DAB1: variants seen among roughly 807,000 people sequenced by gnomAD.
DAB1 encodes the protein DAB adaptor protein 1.
Under a neutral mutation model 64.6 loss-of-function variants are expected in DAB1, and 15 were observed. The observed-to-expected ratio is 0.23, with a 90% CI of 0.16 to 0.36. The LOEUF (loss-of-function observed/expected upper bound fraction) is 0.36. Among genes scored for constraint, DAB1 ranks in the 10% least tolerant of loss-of-function variants. The pLI is 1.00. For missense variants in DAB1, 596 were observed against 706.7 expected (o/e 0.84, Z 1.78); for synonymous variants, 235 against 251.9 (o/e 0.93, Z 0.64).
chr1:58,117,408 C>T (rs990192633), intron 5 of DAB1, among the ~76,000 whole-genome samples: 1 of 152,298 alleles, frequency 6.6e-6, no homozygotes, highest in Admixed American at 6.5e-5. Context: ...TATGGTTGCC[C>T]ATATTAGGTT....
chr1:58,013,616 C>T (rs1646699938), intron 5 of DAB1, among the ~76,000 whole-genome samples: 1 of 152,344 alleles, frequency 6.6e-6, no homozygotes, highest in Admixed American at 6.5e-5. Context: ...AAAACTCCTT[C>T]CTGCAACATC....
intron 2 of DAB1, among the ~76,000 whole-genome samples, chr1:57,258,452 C>G (rs1669931353): frequency 1.3e-5 from 2 of 152,118 alleles, no homozygotes; most frequent in Admixed American, 1.3e-4. Flanking sequence ...TGTCCTCTCC[C>G]CTGCATTCCC....
chr1:58,457,863 G>T (rs906318131), intron 3 of DAB1, among the ~76,000 whole-genome samples: 1 of 152,184 alleles, frequency 6.6e-6, no homozygotes, highest in Non-Finnish European at 1.5e-5. Context: ...TGTTGACGGG[G>T]AAAGGTGGGG....
In DAB1 at chr1:57,014,875, G is replaced by C. The variant is rs183171115; in HGVS notation, c.1444+8C>G. 4 of 1,541,990 alleles carry C rather than the reference G, an allele frequency of 2.6e-6. No individual in the cohort carries two copies. In the African/African-American group the frequency reaches 5.5e-5, roughly 21 times the overall value. Reference sequence around the variant, plus strand: ...TTGGGTTTTATGTCTTAAGTGAGGGGCACTCACGTGAGTTGGTCGATGGTG... The same window carrying C: ...TTGGGTTTTATGTCTTAAGTGAGGGCCACTCACGTGAGTTGGTCGATGGTG... On this transcript the variant is annotated splice_region_variant and intron_variant, in intron 12 of 14. Transcript: ENST00000371236.
chr1:57,534,237 C>T (rs1038314075), intron 7 of DAB1, among the ~76,000 whole-genome samples: 16 of 152,114 alleles, frequency 1.1e-4, no homozygotes, highest in African/African-American at 3.9e-4. Flanking sequence ...TTACTTGCTG[C>T]CCTTTGCAAT....
In DAB1 at chr1:57,533,549, A is replaced by ATATATT. The variant is rs1255693794; in HGVS notation, n.625+116042_625+116043insAATATA. Among the ~76,000 whole-genome samples the ATATATT allele has an allele frequency of 2.2e-3, 28 of 12,636 alleles. No individual in the cohort carries two copies. In the East Asian group the frequency reaches 0.091, roughly 41 times the overall value. The allele number at this position is 12,636 out of a possible 152,430, so 8.3% of individuals were successfully genotyped here. On this transcript the variant is annotated intron_variant and non_coding_transcript_variant, in intron 7 of 20. Coordinates refer to the DAB1 transcript ENST00000485760. ...GAAAATTCATAACAGGTATATATAT[A>ATATATT]TATATATATATATATATGTATATAT...
intron 2 of DAB1, among the ~76,000 whole-genome samples, chr1:57,213,576 A>T (rs543457555): frequency 6.6e-6 from 1 of 152,318 alleles, no homozygotes; most frequent in South Asian, 2.1e-4. Flanking sequence ...GCCCCAGAGG[A>T]AGTTTGCCAT....
intron 14 of DAB1, among the ~76,000 whole-genome samples, chr1:57,005,566 T>C (rs1193090706): frequency 6.6e-6 from 1 of 152,170 alleles, no homozygotes; most frequent in Admixed American, 6.5e-5. Context: ...AGTTAGATGG[T>C]CTTAAAATGT....
intron 1 of DAB1, among the ~76,000 whole-genome samples, chr1:57,387,908 G>A (rs962802498): frequency 5.3e-5 from 8 of 151,096 alleles, no homozygotes; most frequent in African/African-American, 2.0e-4. Flanking sequence ...AGTCAAGAAA[G>A]ATGAAATTAA....
At chr1:57,278,463 T>C (rs1250324309) in intron 2 of DAB1, among the ~76,000 whole-genome samples, 1 of 151,824 alleles carries the variant, frequency 6.6e-6, no homozygotes, top group Non-Finnish European at 1.5e-5. Context: ...ACACACAATA[T>C]AGAAGGGAAG....
At chr1:58,245,686 C>G (rs1309993887) in intron 4 of DAB1, among the ~76,000 whole-genome samples, 1 of 152,046 alleles carries the variant, frequency 6.6e-6, no homozygotes, top group Non-Finnish European at 1.5e-5. Context: ...GCCTAGCTTT[C>G]TTTATCTGTA....
At chr1:57,326,662 C>A (rs919423491) in intron 1 of DAB1, among the ~76,000 whole-genome samples, 1 of 152,162 alleles carries the variant, frequency 6.6e-6, no homozygotes, top group Admixed American at 6.5e-5. Flanking sequence ...AGATTTAGTT[C>A]CTGATGAGGG....
intron 5 of DAB1, among the ~76,000 whole-genome samples, chr1:57,976,190 G>T (rs1282033844): frequency 6.6e-6 from 1 of 152,112 alleles, no homozygotes; most frequent in African/African-American, 2.4e-5. Flanking sequence ...TCCCTGGATT[G>T]CACTCTGAAA....
chr1:58,170,691 T>C (rs1374261343), intron 4 of DAB1, among the ~76,000 whole-genome samples: 1 of 152,054 alleles, frequency 6.6e-6, no homozygotes, highest in Non-Finnish European at 1.5e-5. Context: ...CAAGGACACC[T>C]TAAAAAAGAT....
intron 5 of DAB1, among the ~76,000 whole-genome samples, chr1:58,057,427 A>G (rs549030500): frequency 6.6e-6 from 1 of 152,350 alleles, no homozygotes; most frequent in East Asian, 1.9e-4. Flanking sequence ...GTCTAATCCT[A>G]TTGAATTAGA....
At chr1:57,710,077 A>AT (rs887078491) in intron 6 of DAB1, among the ~76,000 whole-genome samples, 5 of 151,836 alleles carry the variant, frequency 3.3e-5, no homozygotes, top group South Asian at 4.2e-4. Flanking sequence ...TTCCTAAATA[A>AT]TTTTTTTCTA....
chr1:57,629,835 G>A (rs947284348), intron 7 of DAB1, among the ~76,000 whole-genome samples: 2 of 151,104 alleles, frequency 1.3e-5, no homozygotes, highest in Non-Finnish European at 2.9e-5. Context: ...GCATTACAAA[G>A]GTTGAGGGTT....
At chr1:57,314,937 T>G (rs1369262330) in intron 1 of DAB1, among the ~76,000 whole-genome samples, 1 of 152,192 alleles carries the variant, frequency 6.6e-6, no homozygotes, top group Non-Finnish European at 1.5e-5. Context: ...CATTGAGATA[T>G]CATAATAAAT....
At chr1:57,560,137 AG>A (rs1191416167) in intron 7 of DAB1, among the ~76,000 whole-genome samples, 1 of 152,238 alleles carries the variant, frequency 6.6e-6, no homozygotes, top group East Asian at 1.9e-4. Flanking sequence ...CCTGTCCATA[AG>A]GCCCTCCAGG....
Sources: gnomAD v4.1 joint callset for allele counts (sites outside exome capture counted in the v4.1 genomes callset) on GRCh38, gnomAD v4.1.1 for gene constraint, MANE v1.5 for transcripts, NCBI Gene and HGNC (gene_info 2026-07-23, HGNC 2026-07-21) for gene names.